QNG1: variants seen among roughly 807,000 people sequenced by gnomAD.
QNG1 encodes queuosine 5'-phosphate N-glycosylase/hydrolase.
At chr9:83,956,861 A>T in the QNG1 span, 1 of 215,128 alleles carries the variant, frequency 4.6e-6, no homozygotes, top group Non-Finnish European at 9.2e-6. Context: ...CCACCCTGGG[A>T]GGTGCATGGC....
At chr9:83,947,833 A>G in the QNG1 span, among the ~76,000 whole-genome samples, 2 of 152,198 alleles carry the variant, frequency 1.3e-5, no homozygotes, top group African/African-American at 4.8e-5. Context: ...TGCCCAGGCT[A>G]GAGTGCAGTA....
the QNG1 span, among the ~76,000 whole-genome samples, chr9:83,940,167 G>A: frequency 6.6e-6 from 1 of 152,154 alleles, no homozygotes; most frequent in Admixed American, 6.6e-5. Context: ...CAATTTGGGA[G>A]GCTGAGGTAG....
the QNG1 span, chr9:83,956,213 G>C: frequency 6.2e-7 from 1 of 1,613,694 alleles, no homozygotes; most frequent in Non-Finnish European, 8.5e-7. Flanking sequence ...AGTACCCACT[G>C]TATGTTTTCC....
the QNG1 span, chr9:83,956,845 A>G: frequency 9.3e-5 from 22 of 237,006 alleles, no homozygotes; most frequent in African/African-American, 3.4e-4. Context: ...ACCGGCCGTG[A>G]GTTGCCCACC....
chr9:83,948,423 G>A, the QNG1 span, among the ~76,000 whole-genome samples: 1 of 142,768 alleles, frequency 7.0e-6, no homozygotes, highest in African/African-American at 2.6e-5. Flanking sequence ...GTCCGGGAGG[G>A]AGGTGGGGGG....
the QNG1 span, among the ~76,000 whole-genome samples, chr9:83,951,315 C>T: frequency 6.6e-6 from 1 of 152,032 alleles, no homozygotes; most frequent in African/African-American, 2.4e-5. Flanking sequence ...AATCCCAACA[C>T]TTTGGGAGGC....
chr9:83,939,687 A>T, the QNG1 span: 1 of 1,614,058 alleles, frequency 6.2e-7, no homozygotes, highest in Non-Finnish European at 8.5e-7. Flanking sequence ...TCAACACACC[A>T]AAGCGAGCAC....
the QNG1 span, among the ~76,000 whole-genome samples, chr9:83,943,331 C>CAAAAAAAAAAAAAAAAAAAAAAAAAAAAA: frequency 1.6e-5 from 1 of 62,550 alleles, no homozygotes; most frequent in African/African-American, 5.1e-5. Flanking sequence ...CAGAGCGTCT[C>CAAAAAAAAAAAAAAAAAAAAAAAAAAAAA]AAAAAAAAAA....
At chr9:83,948,536 C>G in the QNG1 span, among the ~76,000 whole-genome samples, 1 of 151,622 alleles carries the variant, frequency 6.6e-6, no homozygotes, top group African/African-American at 2.4e-5. Flanking sequence ...TCTGCCTGGC[C>G]GCCCCGTCTG....
At chr9:83,948,644 G>T in the QNG1 span, among the ~76,000 whole-genome samples, 4 of 152,136 alleles carry the variant, frequency 2.6e-5, no homozygotes, top group African/African-American at 7.2e-5. Context: ...CGGTTTTGTC[G>T]AATAGAAAGG....
At chr9:83,947,135 T>C in the QNG1 span, among the ~76,000 whole-genome samples, 2 of 152,152 alleles carry the variant, frequency 1.3e-5, no homozygotes, top group Non-Finnish European at 2.9e-5. Flanking sequence ...TGGAAAAACA[T>C]AGATAATTAC....
the QNG1 span, chr9:83,953,834 T>G: frequency 1.6e-5 from 25 of 1,544,172 alleles, no homozygotes; most frequent in Middle Eastern, 1.2e-3. Context: ...TCATCATTTG[T>G]TCAAGTACAC....
the QNG1 span, chr9:83,939,693 A>G: frequency 1.2e-6 from 2 of 1,614,182 alleles, no homozygotes; most frequent in Non-Finnish European, 1.7e-6. Flanking sequence ...CACCAAAGCG[A>G]GCACCCTCTG....
chr9:83,948,023 G>A, the QNG1 span, among the ~76,000 whole-genome samples: 1 of 151,532 alleles, frequency 6.6e-6, no homozygotes, highest in Non-Finnish European at 1.5e-5. Flanking sequence ...AGTCTGGGAA[G>A]TGAGGAGCGC....
chr9:83,942,516 A>G, the QNG1 span, among the ~76,000 whole-genome samples: 1 of 152,194 alleles, frequency 6.6e-6, no homozygotes, highest in Admixed American at 6.5e-5. Flanking sequence ...AATGTAGCAA[A>G]TCCTCAAGTT....
At chr9:83,951,268 A>G in the QNG1 span, among the ~76,000 whole-genome samples, 1 of 152,046 alleles carries the variant, frequency 6.6e-6, no homozygotes, top group Non-Finnish European at 1.5e-5. Flanking sequence ...AAAACAAAAA[A>G]CAAAAAACAA....
the QNG1 span, chr9:83,956,808 C>G: frequency 3.2e-6 from 1 of 310,824 alleles, no homozygotes; most frequent in Non-Finnish European, 5.9e-6. Context: ...TTCCAAAGGT[C>G]TGGAAACTGC....
the QNG1 span, chr9:83,956,971 C>T: frequency 6.5e-6 from 1 of 153,840 alleles, no homozygotes; most frequent in Non-Finnish European, 1.4e-5. Flanking sequence ...CCACCCCGCT[C>T]CCACCCCTCT....
At chr9:83,955,755 C>T in the QNG1 span, 1 of 969,664 alleles carries the variant, frequency 1.0e-6, no homozygotes, top group Non-Finnish European at 1.6e-6. Context: ...AGGAATGCAC[C>T]AAAAGTGGAA....
Sources: gnomAD v4.1 joint callset for allele counts (sites outside exome capture counted in the v4.1 genomes callset) on GRCh38, gnomAD v4.1.1 for gene constraint, MANE v1.5 for transcripts, NCBI Gene and HGNC (gene_info 2026-07-23, HGNC 2026-07-21) for gene names.